The following SHANK2 variants were observed in gnomAD, a reference collection of about 807,000 sequenced individuals.
The protein encoded by SHANK2 is SH3 and multiple ankyrin repeat domains protein 2.
SHANK2 carries 43 observed loss-of-function variants against 133.7 expected under a neutral mutation model. That is an observed-to-expected ratio of 0.32 (90% confidence interval 0.25 to 0.41). The LOEUF (loss-of-function observed/expected upper bound fraction) is 0.41. Among genes scored for constraint, SHANK2 ranks in the 10% least tolerant of loss-of-function variants. SHANK2 has a pLI of 1.00. For synonymous variants in SHANK2, 1,017 were observed against 952.8 expected (o/e 1.07, Z -1.24); for missense variants, 1,994 against 2,235.8 (o/e 0.89, Z 2.18).
intron 14 of SHANK2, among the ~76,000 whole-genome samples, chr11:70,720,337 A>G (rs1946048813): frequency 6.6e-6 from 1 of 152,358 alleles, no homozygotes; most frequent in Admixed American, 6.5e-5. Context: ...CAGAGGCTAC[A>G]GAGAATGAGC....
intron 11 of SHANK2, among the ~76,000 whole-genome samples, chr11:70,842,008 A>G (rs1948914324): frequency 6.6e-6 from 1 of 152,050 alleles, no homozygotes; most frequent in Admixed American, 6.6e-5. Context: ...CTTCTCCCTT[A>G]ACCCTGGGCT....
intron 17 of SHANK2, among the ~76,000 whole-genome samples, chr11:70,644,334 C>T (rs2061230624): frequency 6.6e-6 from 1 of 152,152 alleles, no homozygotes; most frequent in Non-Finnish European, 1.5e-5. Context: ...CCATCCCCTT[C>T]CCCAGCCCCC....
intron 9 of SHANK2, among the ~76,000 whole-genome samples, chr11:71,059,370 G>A (rs1950960312): frequency 6.6e-6 from 1 of 152,042 alleles, no homozygotes; most frequent in Non-Finnish European, 1.5e-5. Flanking sequence ...GGTGATGGTC[G>A]ATGGTGGTGA....
chr11:70,871,939 G>C (rs144932031), intron 11 of SHANK2, among the ~76,000 whole-genome samples: 254 of 152,298 alleles, frequency 1.7e-3, no homozygotes, highest in African/African-American at 5.8e-3. Context: ...GGTAAACCCA[G>C]CATTATTCTT....
chr11:70,716,791 C>T lies in SHANK2; in HGVS notation c.1778-18028G>A, dbSNP rs1379647882. 3.3e-5 allele frequency among the ~76,000 whole-genome samples: 5 copies of T among 152,132 alleles called. 1 individual carries two copies. Among genetic ancestry groups the T allele is most frequent in the African/African-American group, 1.2e-4 (5 of 41,410 alleles). On this transcript the variant is annotated intron_variant, in intron 14 of 25. Coordinates refer to ENST00000601538, the MANE Select transcript of SHANK2 (RefSeq NM_012309.5). ...GACTGGGCAGGGGTCACCGTAGTCT[C>T]GACAGCTCATGGCTCACATAGATCT... is the stretch of plus-strand genomic sequence containing the variant.
At chr11:70,841,391 C>A (rs533389415) in intron 11 of SHANK2, among the ~76,000 whole-genome samples, 2 of 152,340 alleles carry the variant, frequency 1.3e-5, no homozygotes, top group South Asian at 4.1e-4. Context: ...TCCACCGCCA[C>A]CCAGGGCACA....
At chr11:70,737,529 C>T (rs1039846488) in intron 14 of SHANK2, among the ~76,000 whole-genome samples, 1 of 152,202 alleles carries the variant, frequency 6.6e-6, no homozygotes, top group East Asian at 1.9e-4. Context: ...GCATCTCGCT[C>T]CAGACATCCC....
chr11:71,187,437 T>C (rs1313387543), intron 2 of SHANK2, among the ~76,000 whole-genome samples: 1 of 152,200 alleles, frequency 6.6e-6, no homozygotes, highest in Admixed American at 6.5e-5. Context: ...CAGTTCTTCA[T>C]GGGTTTCTCG....
chr11:70,754,024 C>A (rs149882279), intron 14 of SHANK2, among the ~76,000 whole-genome samples: 3 of 152,192 alleles, frequency 2.0e-5, no homozygotes, highest in African/African-American at 7.2e-5. Flanking sequence ...GTTGGCTAGG[C>A]TTGTCTTGAA....
chr11:71,067,121 G>A (rs908414598), intron 9 of SHANK2, among the ~76,000 whole-genome samples: 14 of 151,958 alleles, frequency 9.2e-5, no homozygotes, highest in Non-Finnish European at 1.8e-4. Flanking sequence ...TGTGGACACC[G>A]TCGCCATTCA....
At chr11:70,483,515 A>G (rs1017500991) in intron 25 of SHANK2, among the ~76,000 whole-genome samples, 1 of 140,188 alleles carries the variant, frequency 7.1e-6, no homozygotes, top group East Asian at 2.2e-4. Context: ...CCTGGGACAC[A>G]TGGTGAGACC....
At chr11:70,745,960 C>T (rs985051249) in intron 14 of SHANK2, among the ~76,000 whole-genome samples, 1 of 152,216 alleles carries the variant, frequency 6.6e-6, no homozygotes, top group Admixed American at 6.5e-5. Flanking sequence ...GGCGCATTTA[C>T]GGAAAAGAAG....
chr11:70,638,206 A>G (rs1288482910), intron 17 of SHANK2, among the ~76,000 whole-genome samples: 8 of 152,238 alleles, frequency 5.3e-5, no homozygotes, highest in Non-Finnish European at 7.3e-5. Context: ...TCCGGGGGGA[A>G]CAGGCTCGGC....
At chr11:70,715,286 G>T (rs574670160) in intron 14 of SHANK2, among the ~76,000 whole-genome samples, 3 of 152,204 alleles carry the variant, frequency 2.0e-5, no homozygotes, top group Non-Finnish European at 2.9e-5. Flanking sequence ...TCACCCAGCC[G>T]GGAAGGGAGG....
In SHANK2 at chr11:70,502,849, T is replaced by G; in HGVS notation, c.2144A>C (p.Lys715Thr). 6.2e-7 allele frequency: 1 copy of G among 1,604,748 alleles called. No individual in the cohort carries two copies. Among genetic ancestry groups the G allele is most frequent in the South Asian group, 1.1e-5 (1 of 90,882 alleles). The change falls in exon 18 of 26, where the codon AAG (lysine) becomes ACG (threonine). Residue 715 changes from lysine (K) to threonine (T), a missense_variant. Physicochemically the swap from Lys to Thr is moderately conservative, Grantham distance 78 (BLOSUM62 -1). Around this residue, in one of 5 missense-constraint regions of SHANK2, gnomAD observed 488 missense variants for 642.6 expected, o/e 0.76. Transcript: ENST00000601538. ...IRQGGNHLVL[K>T]VVTVTRNLDP... ...CAGATTCCTGGTCACCGTGACCACC[T>G]TAAGGACCAGGTGATTCCCTCCCTG...
Position 71,094,028 on chromosome 11 carries a change from C to A in SHANK2, c.744+509G>T, listed in dbSNP as rs1419628586. 2.0e-5 allele frequency among the ~76,000 whole-genome samples: 3 copies of A among 152,104 alleles called. No homozygotes were observed. The East Asian group carries it at 5.8e-4, about 29-fold the overall frequency. ...GGCGCGGAACCCACAACAGGGCAGG[C>A]TCCCACGGACCCGCCACAGGGTGCT... On this transcript the variant is annotated intron_variant, in intron 7 of 25. Transcript: ENST00000601538.
chr11:70,877,245 T>C (rs1032558449), intron 11 of SHANK2, among the ~76,000 whole-genome samples: 10 of 152,350 alleles, frequency 6.6e-5, no homozygotes, highest in Non-Finnish European at 1.0e-4. Context: ...CAGGCAGGTG[T>C]TCCGAGGGCC....
intron 17 of SHANK2, among the ~76,000 whole-genome samples, chr11:70,576,292 C>T (rs1554984224): frequency 1.3e-5 from 2 of 152,144 alleles, no homozygotes; most frequent in South Asian, 2.1e-4. Flanking sequence ...CAAGCGGCTG[C>T]GGCAGACCCC....
intron 14 of SHANK2, among the ~76,000 whole-genome samples, chr11:70,757,265 A>G (rs1216390419): frequency 6.6e-6 from 1 of 152,180 alleles, no homozygotes; most frequent in East Asian, 1.9e-4. Context: ...ACCTTGAGCA[A>G]GGGGCTTACA....
Sources: gnomAD v4.1 joint callset for allele counts (sites outside exome capture counted in the v4.1 genomes callset) on GRCh38, gnomAD v4.1.1 for gene constraint, gnomAD v4.1.1 regional missense constraint, MANE v1.5 for transcripts, NCBI Gene and HGNC (gene_info 2026-07-23, HGNC 2026-07-21) for gene names.